ARAP2: variants seen among roughly 807,000 people sequenced by gnomAD.
ARAP2 encodes arf-GAP with Rho-GAP domain, ANK repeat and PH domain-containing protein 2.
In ARAP2, 148 loss-of-function variants were observed where a neutral mutation model predicts 194.5. That is an observed-to-expected ratio of 0.76 (90% CI 0.67 to 0.87). The LOEUF is 0.87. Among genes scored for constraint, ARAP2 ranks in the 40% least tolerant of loss-of-function variants. ARAP2 has a pLI of 0.00. For synonymous variants in ARAP2, 695 were observed against 683.5 expected (o/e 1.02, Z -0.26); for missense variants, 2,128 against 1,989.7 (o/e 1.07, Z -1.32).
chr4:36,193,450 TTA>T (rs765852405), intron 7 of ARAP2, 126 bp downstream of exon 7: 24 of 522,030 alleles, frequency 4.6e-5, no homozygotes, highest in Non-Finnish European at 7.8e-5. Context: ...AATATATTTA[TTA>T]GTTGCAACTT....
intron 20 of ARAP2, among the ~76,000 whole-genome samples, chr4:36,132,974 T>C (rs1353342762): frequency 6.6e-6 from 1 of 151,760 alleles, no homozygotes; most frequent in Non-Finnish European, 1.5e-5. Flanking sequence ...TATTATAATT[T>C]AGATTATTTC....
In ARAP2 at chr4:36,067,420, T is replaced by TC. The variant is rs1258390820; in HGVS notation, c.*486dup. The TC allele has an allele frequency of 1.3e-5, 2 of 152,632 alleles. No individual in the cohort carries two copies. Among genetic ancestry groups the TC allele is most frequent in the Non-Finnish European group, 2.9e-5 (2 of 68,050 alleles). 9.5% of individuals were successfully genotyped at this position (152,632 alleles called of 1,614,324 possible). ...TTTAGGCAGCCACTACAATAAATTC[T>TC]CCCCCCTTTTTCAATTTACTTCCCT... On this transcript the variant is annotated 3_prime_UTR_variant, in exon 33 of 33. Coordinates refer to ENST00000303965, the MANE Select transcript of ARAP2 (RefSeq NM_015230.4).
Position 36,228,672 on chromosome 4 carries a change from C to T in ARAP2, c.815G>A (p.Ser272Asn), listed in dbSNP as rs1750845446. The T allele has an allele frequency of 6.2e-7, 1 of 1,614,036 alleles. No individual in the cohort carries two copies. The highest frequency in any genetic ancestry group is 8.5e-7 in the Non-Finnish European group (1 of 1,179,956). The change falls in exon 2 of 33, where the codon AGC becomes AAC. Residue 272 changes from serine (S) to asparagine (N), a missense_variant. Ser to Asn is a conservative substitution (Grantham distance 46, BLOSUM62 1). Transcript: ENST00000303965. ...SPILAPVRSR[S>N]KLVSRPSRSF... ...TCGAGATGGTCTTGAAACCAACTTG[C>T]TACGACTTCTCACAGGTGCTAGGAT... is the stretch of plus-strand genomic sequence containing the variant.
intron 28 of ARAP2, among the ~76,000 whole-genome samples, chr4:36,090,740 C>G (rs1361171389): frequency 1.3e-5 from 2 of 152,060 alleles, no homozygotes; most frequent in African/African-American, 2.4e-5. Flanking sequence ...AGGGGAACAA[C>G]ACCCACTGGG....
At chr4:36,203,705 A>G (rs1216084113) in intron 6 of ARAP2, among the ~76,000 whole-genome samples, 2 of 152,124 alleles carry the variant, frequency 1.3e-5, no homozygotes, top group Non-Finnish European at 2.9e-5. Flanking sequence ...ATACATTACT[A>G]AAAAACCTAC....
chr4:36,239,568 C>G (rs1442872065), intron 1 of ARAP2, among the ~76,000 whole-genome samples: 1 of 152,152 alleles, frequency 6.6e-6, no homozygotes, highest in Non-Finnish European at 1.5e-5. Context: ...CATAAGGTAT[C>G]TACCGTAGTC....
In ARAP2 at chr4:36,233,378, C is replaced by T. The variant is rs1289821334; in HGVS notation, c.-159-3733G>A. Among the ~76,000 whole-genome samples, 3 of 148,440 alleles carry T rather than the reference C, an allele frequency of 2.0e-5. No individual in the cohort carries two copies. In the East Asian group the frequency reaches 6.0e-4, roughly 30 times the overall value. On this transcript the variant is annotated intron_variant, in intron 1 of 32. Coordinates refer to ENST00000303965, the MANE Select transcript of ARAP2 (RefSeq NM_015230.4). ...TGGATCTTCTGTACATCAACAACTG[C>T]TGTGGGTCCTACGAGTCTACACTTG...
intron 15 of ARAP2, among the ~76,000 whole-genome samples, chr4:36,156,660 G>A (rs1190459701): frequency 6.6e-6 from 1 of 152,070 alleles, no homozygotes; most frequent in East Asian, 1.9e-4. Flanking sequence ...GGACTTCAGT[G>A]GAAATGAAGA....
In ARAP2 at chr4:36,026,279, T is replaced by C. The variant is rs1309404901; in HGVS notation, n.608-6993A>G. Among the ~76,000 whole-genome samples the C allele has an allele frequency of 2.6e-5, 4 of 152,184 alleles. No homozygotes were observed. In the East Asian group the frequency reaches 7.7e-4, roughly 29 times the overall value. Reference sequence around the variant, plus strand: ...CCTAACTGTCAGACACCTTAGAAATTGGCAGAGCTGTAGCCTGTGATTCAC... The same window carrying C: ...CCTAACTGTCAGACACCTTAGAAATCGGCAGAGCTGTAGCCTGTGATTCAC... On this transcript the variant is annotated intron_variant and non_coding_transcript_variant, in intron 5 of 12. Coordinates refer to the ARAP2 transcript ENST00000503225.
At chr4:36,169,096 T>C (rs1420414056) in intron 9 of ARAP2, among the ~76,000 whole-genome samples, 1 of 152,170 alleles carries the variant, frequency 6.6e-6, no homozygotes, top group Non-Finnish European at 1.5e-5. Context: ...AAGGTAGCAG[T>C]AGCAAGATAA....
chr4:36,082,350 C>G (rs1729777989), intron 29 of ARAP2, 64 bp from the exon 30 acceptor site: 2 of 1,490,112 alleles, frequency 1.3e-6, no homozygotes, highest in African/African-American at 2.8e-5. Context: ...AGACAGAAAA[C>G]AGGATTAGAT....
chr4:36,175,884 C>A (rs548829497), intron 9 of ARAP2, among the ~76,000 whole-genome samples: 1 of 152,256 alleles, frequency 6.6e-6, no homozygotes, highest in Admixed American at 6.5e-5. Flanking sequence ...ACTGACCTCA[C>A]CATCCATCAT....
chr4:36,215,234 T>A (rs1747661699), intron 2 of ARAP2, among the ~76,000 whole-genome samples: 1 of 152,208 alleles, frequency 6.6e-6, no homozygotes. Context: ...TTGCTGAAAG[T>A]ATAGACATAT....
intron 1 of ARAP2, among the ~76,000 whole-genome samples, chr4:36,231,166 A>T (rs1239288259): frequency 6.6e-6 from 1 of 151,932 alleles, no homozygotes; most frequent in Non-Finnish European, 1.5e-5. Flanking sequence ...GTGAAACCCC[A>T]TCTCTATTAA....
In ARAP2 at chr4:36,073,695, A is replaced by T; in HGVS notation, c.4737T>A (p.Asn1579Lys). Residue 1579 changes from asparagine to lysine, a missense_variant, in exon 32 of 33, where the codon AAT (asparagine) becomes AAA (lysine). By Grantham distance (94) the Asn-to-Lys change is moderately conservative. Transcript: ENST00000303965. ...HEGNATLARKNIESARAELER... is the reference protein window; with the variant it reads ...HEGNATLARKKIESARAELER... ...AAACAAAATCCTAACCTACCTCAAT[A>T]TTTTTCCGGGCCAAGGTTGCATTCC... 6.2e-7 allele frequency: 1 copy of T among 1,611,076 alleles called. No homozygotes were observed. The highest frequency in any genetic ancestry group is 8.5e-7 in the Non-Finnish European group (1 of 1,178,316).
chr4:36,151,034 T>G lies in ARAP2; in HGVS notation c.2763A>C (p.Lys921Asn), dbSNP rs1345924056. ...AGCCTCCTTCCAAAACACACCATTTTTTATTTGTCTCTAAGAATTTGAAAC... is the reference window on the plus strand; with the variant it reads ...AGCCTCCTTCCAAAACACACCATTTGTTATTTGTCTCTAAGAATTTGAAAC... ...SEKKLLEETN[K>N]KWCVLEGGFL... is the part of the protein sequence containing the mutation. Residue 921 changes from lysine to asparagine, a missense_variant, in exon 16 of 33, where the codon AAA becomes AAC. Coordinates refer to ENST00000303965, the MANE Select transcript of ARAP2 (RefSeq NM_015230.4). 1 of 1,594,104 alleles carries G rather than the reference T, an allele frequency of 6.3e-7. No individual in the cohort carries two copies. Among genetic ancestry groups the G allele is most frequent in the Admixed American group, 1.8e-5 (1 of 55,266 alleles).
intron 8 of ARAP2, among the ~76,000 whole-genome samples, chr4:36,014,259 A>G (rs1043913778): frequency 1.4e-5 from 2 of 145,094 alleles, no homozygotes; most frequent in Non-Finnish European, 3.0e-5. Context: ...GAAAGAAAGA[A>G]AGAAAGAAAG....
chr4:36,107,330 T>C (rs896705349), intron 27 of ARAP2, among the ~76,000 whole-genome samples: 3 of 151,978 alleles, frequency 2.0e-5, no homozygotes, highest in African/African-American at 7.2e-5. Flanking sequence ...AAACTATTAT[T>C]TCCAAAAACC....
intron 7 of ARAP2, 50 bp from the exon 8 acceptor site, chr4:36,187,621 G>A: frequency 6.9e-7 from 1 of 1,456,908 alleles, no homozygotes; most frequent in African/African-American, 1.5e-5. Flanking sequence ...AAATTCTCTT[G>A]ATCTTATCAA....
Sources: allele counts gnomAD v4.1 joint callset (sites outside exome capture counted in the v4.1 genomes callset), GRCh38; gene constraint gnomAD v4.1.1; transcripts MANE v1.5; gene names NCBI Gene and HGNC (gene_info 2026-07-23, HGNC 2026-07-21).